Variants in MICAL2 observed in about 807,000 individuals in gnomAD.
The protein encoded by MICAL2 is microtubule associated monooxygenase, calponin and LIM domain containing 2.
In MICAL2, 77 loss-of-function variants were observed where a neutral mutation model predicts 127.3. That is an observed-to-expected ratio of 0.60 (90% CI 0.50 to 0.73). The LOEUF (loss-of-function observed/expected upper bound fraction) is 0.73. Ranked by LOEUF, MICAL2 falls within the 30% of genes least tolerant of loss-of-function variation. MICAL2 has a pLI of 0.00. For missense variants in MICAL2, 1,351 were observed against 1,434.4 expected (o/e 0.94, Z 0.94); for synonymous variants, 570 against 551.1 (o/e 1.03, Z -0.48).
intron 3 of MICAL2, among the ~76,000 whole-genome samples, chr11:12,201,355 C>A (rs1853960208): frequency 6.6e-6 from 1 of 151,832 alleles, no homozygotes; most frequent in Non-Finnish European, 1.5e-5. Flanking sequence ...GCAGGCCCAG[C>A]TGAGTGATAA....
At chr11:12,207,912 G>T in intron 4 of MICAL2, 111 bp from the exon 5 acceptor site, 2 of 801,762 alleles carry the variant, frequency 2.5e-6, no homozygotes, top group South Asian at 3.0e-5. Context: ...ATCATTGTTG[G>T]TATACTGCTG....
At chr11:12,239,624 G>A (rs1176263548) in intron 17 of MICAL2, 39 bp downstream of exon 17, 1 of 1,601,420 alleles carries the variant, frequency 6.2e-7, no homozygotes, top group Admixed American at 1.7e-5. Context: ...TAACTTCCTG[G>A]TGACTTTTCA....
chr11:12,217,394 C>T (rs149426730), intron 8 of MICAL2, among the ~76,000 whole-genome samples: 132 of 152,266 alleles, frequency 8.7e-4, no homozygotes, highest in African/African-American at 1.3e-3. Context: ...GAGTTGTAGA[C>T]GGAGGCTGTG....
At chr11:12,287,158 T>C (rs934013654) in exon 3 of MICAL2, 3 of 398,852 alleles carry the variant, frequency 7.5e-6, no homozygotes, top group African/African-American at 6.2e-5. Context: ...GAGAGAATTC[T>C]GGTGGAGTGA....
intron 32 of MICAL2, among the ~76,000 whole-genome samples, chr11:12,334,967 C>T (rs1376713051): frequency 1.3e-5 from 2 of 152,076 alleles, no homozygotes; most frequent in South Asian, 4.1e-4. Context: ...GGTATATACC[C>T]AGTAATGGGA....
intron 1 of MICAL2, among the ~76,000 whole-genome samples, chr11:12,279,876 C>T (rs570820998): frequency 6.6e-6 from 1 of 152,334 alleles, no homozygotes; most frequent in African/African-American, 2.4e-5. Context: ...GCACCATGAC[C>T]AGCCAGGCTT....
chr11:12,359,334 CAAAAAAAA>C (rs138650957), downstream of MICAL2, among the ~76,000 whole-genome samples: 1 of 137,404 alleles, frequency 7.3e-6, no homozygotes. Flanking sequence ...TTGATGATGG[CAAAAAAAA>C]AAAAAAAAAG....
At position 12,208,215 on chromosome 11, in the gene MICAL2, G is replaced by T. The variant is rs540397584; in HGVS notation, c.589+76G>T. 4.1e-6 allele frequency: 5 copies of T among 1,205,872 alleles called. No individual in the cohort carries two copies. In the East Asian group the frequency reaches 7.0e-5, roughly 17 times the overall value. The allele number at this position is 1,205,872 out of a possible 1,614,324, so 74.7% of individuals were successfully genotyped here. A position where few individuals can be genotyped will look rare whatever the true frequency, so the allele number is the denominator to read the frequency against. ...AAATTCCACTTGCTGCTTCCAAAGGGTGTTTCTGTAGGAGTTATTCTTACT... is the reference window on the plus strand; with the variant it reads ...AAATTCCACTTGCTGCTTCCAAAGGTTGTTTCTGTAGGAGTTATTCTTACT... On this transcript the variant is annotated intron_variant, in intron 5 of 27. Coordinates refer to ENST00000683283, the MANE Select transcript of MICAL2 (RefSeq NM_001282663.2).
downstream of MICAL2, among the ~76,000 whole-genome samples, chr11:12,361,870 C>G (rs1055849005): frequency 4.6e-5 from 7 of 152,126 alleles, no homozygotes; most frequent in Non-Finnish European, 8.8e-5. Context: ...AGGGGGCAGC[C>G]GGGGCCGCCA....
At chr11:12,338,707 C>T (rs1269608900) in intron 32 of MICAL2, among the ~76,000 whole-genome samples, 13 of 152,144 alleles carry the variant, frequency 8.5e-5, no homozygotes, top group Non-Finnish European at 1.8e-4. Flanking sequence ...TTCTCCTTCA[C>T]TTATGAAGCT....
intron 32 of MICAL2, among the ~76,000 whole-genome samples, chr11:12,330,649 T>C (rs1301996723): frequency 6.6e-6 from 1 of 152,134 alleles, no homozygotes; most frequent in Non-Finnish European, 1.5e-5. Flanking sequence ...CTGCTTTCTT[T>C]TTTTACAGCA....
downstream of MICAL2, chr11:12,294,831 C>CTCCTCT (rs1565297222): frequency 4.0e-6 from 6 of 1,517,694 alleles, no homozygotes; most frequent in Admixed American, 4.0e-5. Flanking sequence ...CCTCCTCCTC[C>CTCCTCT]TCCTCCTCCT....
chr11:12,293,444 G>T, downstream of MICAL2: 1 of 1,255,578 alleles, frequency 8.0e-7, no homozygotes, highest in Non-Finnish European at 1.1e-6. Context: ...TTTTAATTTG[G>T]GCATCTGAGA....
chr11:12,268,790 A>G (rs1863637574), intron 24 of MICAL2, among the ~76,000 whole-genome samples: 1 of 151,872 alleles, frequency 6.6e-6, no homozygotes, highest in Admixed American at 6.6e-5. Flanking sequence ...GGAGATCGAG[A>G]CCATCCTGGC....
At chr11:12,338,061 G>A (rs1938797910) in intron 32 of MICAL2, among the ~76,000 whole-genome samples, 1 of 152,140 alleles carries the variant, frequency 6.6e-6, no homozygotes, top group East Asian at 1.9e-4. Flanking sequence ...GGGTGTTAAA[G>A]TCTCCCATTA....
intron 2 of MICAL2, among the ~76,000 whole-genome samples, chr11:12,142,538 C>G (rs1262315911): frequency 6.6e-6 from 1 of 152,194 alleles, no homozygotes; most frequent in Non-Finnish European, 1.5e-5. Flanking sequence ...GGGGCTTTTT[C>G]AGTCAGAGAC....
chr11:12,165,388 C>T (rs892594042), intron 3 of MICAL2, among the ~76,000 whole-genome samples: 4 of 152,180 alleles, frequency 2.6e-5, no homozygotes, highest in African/African-American at 9.7e-5. Flanking sequence ...TGCTCACATA[C>T]CATGTTCAGG....
At chr11:12,170,159 G>A (rs565910594) in intron 3 of MICAL2, among the ~76,000 whole-genome samples, 1 of 152,282 alleles carries the variant, frequency 6.6e-6, no homozygotes, top group East Asian at 1.9e-4. Flanking sequence ...TTCATTAAGA[G>A]GTTTACTTTG....
At chr11:12,340,789 T>A (rs1421164855) in intron 32 of MICAL2, among the ~76,000 whole-genome samples, 2 of 152,240 alleles carry the variant, frequency 1.3e-5, no homozygotes, top group East Asian at 3.8e-4. Context: ...ACATATAGTA[T>A]AATACAATTT....
Sources: gnomAD v4.1 joint callset for allele counts (sites outside exome capture counted in the v4.1 genomes callset) on GRCh38, gnomAD v4.1.1 for gene constraint, MANE v1.5 for transcripts, NCBI Gene and HGNC (gene_info 2026-07-23, HGNC 2026-07-21) for gene names.